CELF2: variants seen among roughly 807,000 people sequenced by gnomAD.
CELF2 encodes the protein CUGBP Elav-like family member 2.
A neutral mutation model predicts 62.6 loss-of-function variants in CELF2; 8 were observed. That is an observed-to-expected ratio of 0.13 (90% confidence interval 0.07 to 0.23). The LOEUF (loss-of-function observed/expected upper bound fraction) is 0.23. CELF2 is among the 10% of genes least tolerant of loss of function. The pLI, the probability that CELF2 is intolerant of heterozygous loss-of-function variation, is 1.00. For missense variants in CELF2, 333 were observed against 671.0 expected (o/e 0.50, Z 5.56); for synonymous variants, 258 against 250.0 (o/e 1.03, Z -0.30).
intron 2 of CELF2, among the ~76,000 whole-genome samples, chr10:11,212,996 G>C (rs1377258711): frequency 6.6e-6 from 1 of 152,176 alleles, no homozygotes; most frequent in Non-Finnish European, 1.5e-5. Flanking sequence ...GAAATTACCA[G>C]CATTAAGCAG....
Position 10,923,751 on chromosome 10 carries a change from T to C in CELF2, c.89+3752T>C, listed in dbSNP as rs112324223. ...GATCTTGTTAGGATTAAAACAAATATTTAAACTGGCTACACGTACTATCCA... is the reference window on the plus strand; with the variant it reads ...GATCTTGTTAGGATTAAAACAAATACTTAAACTGGCTACACGTACTATCCA... On this transcript the variant is annotated intron_variant, in intron 2 of 13. Transcript: ENST00000636488. The C allele has an allele frequency of 1.5e-3, 231 of 152,358 alleles. 1 individual carries two copies. Among genetic ancestry groups the C allele is most frequent in the African/African-American group, 5.0e-3 (209 of 41,576 alleles). 9.4% of individuals were successfully genotyped at this position (152,358 alleles called of 1,614,324 possible).
At chr10:11,111,219 T>C (rs1432907250) in intron 1 of CELF2, among the ~76,000 whole-genome samples, 1 of 152,226 alleles carries the variant, frequency 6.6e-6, no homozygotes, top group Non-Finnish European at 1.5e-5. Context: ...TCCCACTGCC[T>C]GGTTTTACTT....
At chr10:10,559,517 T>A in the CELF2 span, among the ~76,000 whole-genome samples, 42 of 152,334 alleles carry the variant, frequency 2.8e-4, no homozygotes, top group Admixed American at 1.2e-3. Flanking sequence ...CATGTATGTA[T>A]GGGCACAGGT....
intron 1 of CELF2, among the ~76,000 whole-genome samples, chr10:11,161,005 T>C (rs2065595946): frequency 6.6e-6 from 1 of 152,228 alleles, no homozygotes. Context: ...CTTGTTGTCC[T>C]AAAACTAGTA....
chr10:10,859,881 A>G (rs560431762), intron 1 of CELF2, among the ~76,000 whole-genome samples: 63 of 152,268 alleles, frequency 4.1e-4, no homozygotes, highest in Non-Finnish European at 7.6e-4. Context: ...CTAGCCTGGC[A>G]GTTCTCAAAT....
chr10:11,165,642 C>T lies in CELF2; in HGVS notation c.231C>T (p.Asn77=), dbSNP rs550980793. The T allele has an allele frequency of 6.2e-7, 1 of 1,614,148 alleles. No individual in the cohort carries two copies. Among genetic ancestry groups the T allele is most frequent in the South Asian group, 1.1e-5 (1 of 91,086 alleles). Reference sequence around the variant, plus strand: ...CTTACGGAGCCGTCTACCAGATCAACGTCCTCCGGGACCGGAGTCAGAACC... The same window carrying T: ...CTTACGGAGCCGTCTACCAGATCAATGTCCTCCGGGACCGGAGTCAGAACC... The part of the protein sequence containing the change: ...FEPYGAVYQI[N]VLRDRSQNPP... The change falls in exon 2 of 13, where the codon AAC becomes AAT. Residue 77 remains asparagine (N), a synonymous_variant. Transcript: ENST00000633077. This position sits in a 1 kb window ranked among gnomAD's most constrained non-coding sequence, Gnocchi z 7.4.
chr10:10,509,626 T>G, the CELF2 span, among the ~76,000 whole-genome samples: 1 of 152,220 alleles, frequency 6.6e-6, no homozygotes, highest in Non-Finnish European at 1.5e-5. Flanking sequence ...AAGACATCAT[T>G]CTACAGAATA....
the CELF2 span, among the ~76,000 whole-genome samples, chr10:10,515,244 T>C: frequency 5.3e-5 from 8 of 152,210 alleles, no homozygotes; most frequent in Admixed American, 2.6e-4. Flanking sequence ...CAATCAATTC[T>C]GTATGTGTAA....
the CELF2 span, among the ~76,000 whole-genome samples, chr10:10,660,213 G>A: frequency 6.6e-6 from 1 of 152,190 alleles, no homozygotes; most frequent in Non-Finnish European, 1.5e-5. Flanking sequence ...ACTTAAATAT[G>A]TCACCTTTCA....
the CELF2 span, among the ~76,000 whole-genome samples, chr10:10,745,113 TAAAA>T: frequency 3.2e-4 from 41 of 128,222 alleles, no homozygotes; most frequent in East Asian, 4.3e-4. Flanking sequence ...CCATGCCACG[TAAAA>T]AAAAAAAAAA....
intron 1 of CELF2, chr10:11,018,825 C>G (rs898092810): frequency 6.6e-6 from 1 of 152,256 alleles, no homozygotes; most frequent in Non-Finnish European, 1.5e-5. Flanking sequence ...CCAAATTACC[C>G]GCTCATCTGA....
chr10:10,688,441 C>T, the CELF2 span, among the ~76,000 whole-genome samples: 2 of 152,186 alleles, frequency 1.3e-5, no homozygotes, highest in African/African-American at 4.8e-5. Flanking sequence ...AGACCCGACC[C>T]AGCCTCCTCC....
chr10:11,176,639 CTGA>C (rs2133869552), intron 2 of CELF2, among the ~76,000 whole-genome samples: 1 of 152,310 alleles, frequency 6.6e-6, no homozygotes, highest in South Asian at 2.1e-4. Flanking sequence ...ATGGTGGAAA[CTGA>C]ATAAAGGCTG....
At chr10:11,153,589 T>C (rs2063742297) in intron 1 of CELF2, among the ~76,000 whole-genome samples, 1 of 152,248 alleles carries the variant, frequency 6.6e-6, no homozygotes, top group Non-Finnish European at 1.5e-5. Flanking sequence ...ACTCTGCTTA[T>C]GTGGCAAGTT....
At chr10:10,542,668 C>G in the CELF2 span, among the ~76,000 whole-genome samples, 5 of 152,220 alleles carry the variant, frequency 3.3e-5, no homozygotes, top group Non-Finnish European at 7.3e-5. Context: ...CACTCCTTCT[C>G]TGTTTCTCTG....
At chr10:10,838,483 T>C (rs1187946411) in intron 1 of CELF2, among the ~76,000 whole-genome samples, 1 of 152,216 alleles carries the variant, frequency 6.6e-6, no homozygotes, top group East Asian at 1.9e-4. Flanking sequence ...CAGGGCAGGA[T>C]ATCTACAAGA....
chr10:10,604,186 G>A, the CELF2 span, among the ~76,000 whole-genome samples: 1 of 152,126 alleles, frequency 6.6e-6, no homozygotes, highest in African/African-American at 2.4e-5. Flanking sequence ...CTCCAACCTG[G>A]GCTACAGAGT....
chr10:11,269,604 AT>A lies in CELF2; in HGVS notation c.619-1060del, dbSNP rs1305192366. ...AATTACTTCTTTATGCCTCAGCAAA[AT>A]TGAACAGCTTTAATTGTGATGAAAC... On this transcript the variant is annotated intron_variant, in intron 6 of 12. Transcript: ENST00000633077. This position sits in a 1 kb window ranked among gnomAD's most constrained non-coding sequence, Gnocchi z 4.4. 4.6e-5 allele frequency among the ~76,000 whole-genome samples: 7 copies of A among 152,226 alleles called. No homozygotes were observed. The highest frequency in any genetic ancestry group is 7.3e-5 in the Non-Finnish European group (5 of 68,042).
chr10:11,225,235 A>G (rs1179412845), intron 3 of CELF2, among the ~76,000 whole-genome samples: 1 of 152,154 alleles, frequency 6.6e-6, no homozygotes, highest in Non-Finnish European at 1.5e-5. Flanking sequence ...CACTGTGACA[A>G]AGGCTCTCTT....
Sources: allele counts gnomAD v4.1 joint callset (sites outside exome capture counted in the v4.1 genomes callset), GRCh38; gene constraint gnomAD v4.1.1; non-coding constraint Gnocchi (gnomAD v3.1); transcripts MANE v1.5; gene names NCBI Gene and HGNC (gene_info 2026-07-23, HGNC 2026-07-21).